The following SLC27A2 variants were observed in gnomAD, a reference collection of about 807,000 sequenced individuals.
SLC27A2 encodes the protein solute carrier family 27 member 2, also known as long-chain fatty acid transport protein 2.
SLC27A2 carries 54 observed loss-of-function variants against 60.0 expected under a neutral mutation model. The ratio of observed to expected loss-of-function variants is 0.90; its 90% CI spans 0.72 to 1.13. SLC27A2 has a LOEUF of 1.13. Ranked by LOEUF, SLC27A2 falls within the 50% of genes most tolerant of loss-of-function variation. The pLI, the probability that SLC27A2 is intolerant of heterozygous loss-of-function variation, is 0.00. For synonymous variants in SLC27A2, 297 were observed against 297.6 expected (o/e 1.00, Z 0.02); for missense variants, 739 against 777.6 (o/e 0.95, Z 0.59).
intron 2 of SLC27A2, among the ~76,000 whole-genome samples, chr15:50,201,772 G>A (rs990078263): frequency 6.6e-6 from 1 of 151,998 alleles, no homozygotes; most frequent in Admixed American, 6.6e-5. Flanking sequence ...AGCCAGGATG[G>A]TCTTGATCTC....
intron 4 of SLC27A2, among the ~76,000 whole-genome samples, chr15:50,208,606 C>T (rs987435102): frequency 1.6e-4 from 25 of 152,096 alleles, no homozygotes; most frequent in African/African-American, 6.0e-4. Context: ...ATAATAAGTA[C>T]CCCATACATA....
intron 3 of SLC27A2, among the ~76,000 whole-genome samples, chr15:50,203,571 T>C (rs533256634): frequency 6.6e-6 from 1 of 152,250 alleles, no homozygotes; most frequent in African/African-American, 2.4e-5. Flanking sequence ...ACTTTTTCTC[T>C]CATGTGGCAT....
At chr15:50,224,599 C>T (rs779989614) in intron 5 of SLC27A2, among the ~76,000 whole-genome samples, 2 of 152,142 alleles carry the variant, frequency 1.3e-5, no homozygotes, top group Non-Finnish European at 2.9e-5. Flanking sequence ...AGTTCAAGGA[C>T]CCTCTCTGAC....
Position 50,228,954 on chromosome 15 carries a change from G to A in SLC27A2, c.1467G>A (p.Gly489=). 6.2e-7 allele frequency: 1 copy of A among 1,613,364 alleles called. No homozygotes were observed. The highest frequency in any genetic ancestry group is 8.5e-7 in the Non-Finnish European group (1 of 1,179,338). ...TTGTCCTTTCTTCCAGGTGGAAAGG[G>A]GAAAATGTGGCCACCACTGAAGTTG... is the stretch of plus-strand genomic sequence containing the variant. The part of the protein sequence containing the change: ...DRVGDTFRWK[G]ENVATTEVAD... The change falls in exon 8 of 10, where the codon GGG becomes GGA. Residue 489 remains glycine (G), a synonymous_variant. Transcript: ENST00000267842.
rs1204775857 is a variant in SLC27A2 at position 50,202,549 on chromosome 15, G to A, written c.751G>A (p.Val251Ile). The change falls in exon 3 of 10, where the codon GTA becomes ATA. Residue 251 changes from valine (V) to isoleucine (I), a missense_variant. Physicochemically the swap from Val to Ile is conservative, Grantham distance 29 (BLOSUM62 3). Coordinates refer to ENST00000267842, the MANE Select transcript of SLC27A2 (RefSeq NM_003645.4). Reference sequence around the variant, plus strand: ...ATGGTATGGAACTGGCCTCACTTTTGTAAGCGGATTGAAGGCAGATGATGT... The same window carrying A: ...ATGGTATGGAACTGGCCTCACTTTTATAAGCGGATTGAAGGCAGATGATGT... ...RIWYGTGLTF[V>I]SGLKADDVIY... 6 of 1,614,058 alleles carry A rather than the reference G, an allele frequency of 3.7e-6. No individual in the cohort carries two copies. The African/African-American group carries it at 6.7e-5, about 18-fold the overall frequency.
At chr15:50,187,164 C>T (rs1272623446) in intron 1 of SLC27A2, among the ~76,000 whole-genome samples, 1 of 152,214 alleles carries the variant, frequency 6.6e-6, no homozygotes, top group African/African-American at 2.4e-5. Context: ...GACTCATAAA[C>T]ACTTCCCTGA....
At chr15:50,201,835 G>T (rs138590179) in intron 2 of SLC27A2, among the ~76,000 whole-genome samples, 1 of 152,152 alleles carries the variant, frequency 6.6e-6, no homozygotes, top group Non-Finnish European at 1.5e-5. Flanking sequence ...GATTACAGGC[G>T]TGAGCCACCG....
intron 1 of SLC27A2, among the ~76,000 whole-genome samples, chr15:50,186,855 C>T (rs2044928905): frequency 6.6e-6 from 1 of 152,176 alleles, no homozygotes; most frequent in Admixed American, 6.5e-5. Flanking sequence ...TTTTTTCTCA[C>T]TTACGAGGCA....
chr15:50,185,865 G>A (rs1477955109), intron 1 of SLC27A2, among the ~76,000 whole-genome samples: 3 of 151,838 alleles, frequency 2.0e-5, no homozygotes, highest in African/African-American at 4.8e-5. Context: ...TCCTGACCTC[G>A]TGATCTGCCG....
At chr15:50,228,492 G>A (rs28728273) in intron 7 of SLC27A2, among the ~76,000 whole-genome samples, 22,059 of 150,340 alleles carry the variant, frequency 0.15, 1,647 homozygotes, top group Middle Eastern at 0.18. Flanking sequence ...TAACTAAAGT[G>A]TGATTTTTTT....
In SLC27A2 at chr15:50,226,037, C is replaced by A; in HGVS notation, c.1217C>A (p.Pro406His). 6.2e-7 allele frequency: 1 copy of A among 1,611,862 alleles called. No homozygotes were observed. Among genetic ancestry groups the A allele is most frequent in the Non-Finnish European group, 8.5e-7 (1 of 1,178,046 alleles). Residue 406 changes from proline to histidine, a missense_variant, in exon 6 of 10, where the codon CCT (proline) becomes CAT (histidine). Pro to His is a moderately conservative substitution (Grantham distance 77, BLOSUM62 -2). Transcript: ENST00000267842. ...AAATATGATGTGGAGAAAGATGAAC[C>A]TGTCCGTGATGAAAATGGATATTGC... Reference protein sequence around the residue: ...LIKYDVEKDEPVRDENGYCVR... With the variant: ...LIKYDVEKDEHVRDENGYCVR...
In SLC27A2 at chr15:50,219,672, C is replaced by G. The variant is rs147649435; in HGVS notation, c.973-3293C>G. Among the ~76,000 whole-genome samples, 403 of 151,984 alleles carry G rather than the reference C, an allele frequency of 2.7e-3. 2 individuals are homozygous for G. The highest frequency in any genetic ancestry group is 9.4e-3 in the African/African-American group (391 of 41,502). ...CCTCAATTGTAATATGAGGCAAATA[C>G]TTTTATTAGCTATCACCTTTCATAG... is the stretch of plus-strand genomic sequence containing the variant. On this transcript the variant is annotated intron_variant, in intron 4 of 9. Coordinates refer to ENST00000267842, the MANE Select transcript of SLC27A2 (RefSeq NM_003645.4).
At chr15:50,191,839 C>T (rs2044976243) in intron 1 of SLC27A2, among the ~76,000 whole-genome samples, 3 of 152,108 alleles carry the variant, frequency 2.0e-5, no homozygotes, top group African/African-American at 7.2e-5. Flanking sequence ...GTGGGCGGAT[C>T]ACTTGAGGTT....
intron 7 of SLC27A2, among the ~76,000 whole-genome samples, chr15:50,228,330 T>C (rs894874226): frequency 2.1e-5 from 3 of 141,716 alleles, no homozygotes; most frequent in African/African-American, 8.1e-5. Flanking sequence ...TGAGCTGAGA[T>C]TGCACCACTG....
At chr15:50,230,374 C>G (rs1041424141) in intron 8 of SLC27A2, among the ~76,000 whole-genome samples, 3 of 152,042 alleles carry the variant, frequency 2.0e-5, no homozygotes, top group Non-Finnish European at 2.9e-5. Context: ...AAAACTTAGT[C>G]TCTACTAAAA....
At chr15:50,190,079 A>G (rs1169656778) in intron 1 of SLC27A2, among the ~76,000 whole-genome samples, 3 of 152,224 alleles carry the variant, frequency 2.0e-5, no homozygotes, top group Non-Finnish European at 4.4e-5. Context: ...TGTGGGGAAG[A>G]AGGAGGAGCA....
chr15:50,223,681 G>A (rs2045260345), intron 5 of SLC27A2, among the ~76,000 whole-genome samples: 1 of 152,162 alleles, frequency 6.6e-6, no homozygotes, highest in South Asian at 2.1e-4. Flanking sequence ...ATATTTGTAA[G>A]CCAGCTCACA....
chr15:50,186,533 G>A (rs1036960326), intron 1 of SLC27A2, among the ~76,000 whole-genome samples: 32 of 152,298 alleles, frequency 2.1e-4, no homozygotes, highest in African/African-American at 7.7e-4. Context: ...CGCCTCCCAG[G>A]TTCAAGCCAT....
Position 50,222,977 on chromosome 15 carries a change from C to T in SLC27A2, c.985C>T (p.Arg329Cys), listed in dbSNP as rs77089750. The T allele has an allele frequency of 3.4e-5, 54 of 1,608,206 alleles. No homozygotes were observed. In the African/African-American group the frequency reaches 5.6e-4, roughly 17 times the overall value. The change falls in exon 5 of 10, where the codon CGT becomes TGT. Residue 329 changes from arginine to cysteine, a missense_variant. Transcript: ENST00000267842. Reference protein sequence around the residue: ...LCNSPQKPNDRDHKVRLALGN... With the variant: ...LCNSPQKPNDCDHKVRLALGN... ...TCCCCCACCACAGAAACCAAATGAC[C>T]GTGATCATAAAGTGAGACTGGCACT...
Sources: allele counts gnomAD v4.1 joint callset (sites outside exome capture counted in the v4.1 genomes callset), GRCh38; gene constraint gnomAD v4.1.1; transcripts MANE v1.5; gene names NCBI Gene and HGNC (gene_info 2026-07-23, HGNC 2026-07-21).